Variants in ADAMTS19 observed in about 807,000 individuals in gnomAD.
ADAMTS19 encodes ADAM metallopeptidase with thrombospondin type 1 motif 19.
ADAMTS19 carries 93 observed loss-of-function variants against 153.3 expected under a neutral mutation model. The ratio of observed to expected loss-of-function variants is 0.61; its 90% CI spans 0.51 to 0.72. The LOEUF is 0.72. ADAMTS19 is among the 30% of genes least tolerant of loss of function. The probability of loss-of-function intolerance (pLI) is 0.00; values close to 1 mark genes in which losing one functional copy is unlikely to be tolerated. For synonymous variants in ADAMTS19, 600 were observed against 556.6 expected (o/e 1.08, Z -1.10); for missense variants, 1,482 against 1,552.1 (o/e 0.95, Z 0.76).
chr5:129,461,561 T>G lies in ADAMTS19; in HGVS notation c.551T>G (p.Leu184Arg). 1 of 1,551,606 alleles carries G rather than the reference T, an allele frequency of 6.4e-7. No homozygotes were observed. Residue 184 changes from leucine to arginine, a missense_variant, in exon 2 of 23, where the codon CTG (leucine) becomes CGG (arginine). Physicochemically the swap from Leu to Arg is moderately radical, Grantham distance 102. This residue lies in a region of ADAMTS19 where 866 missense variants were observed against 827.7 expected (regional missense o/e 1.05). Transcript: ENST00000274487. The surrounding 1 kb of genome is among the most constrained non-coding windows in gnomAD (Gnocchi z 4.6). ...RIPAFSRDLY[L>R]LLRRDGRFLA... ...CCGGCCTTCTCTCGGGACCTGTACC[T>G]GCTGCTCCGGAGAGACGGCCGCTTC...
chr5:129,506,906 T>TA (rs1581018423), intron 2 of ADAMTS19, among the ~76,000 whole-genome samples: 2 of 151,828 alleles, frequency 1.3e-5, no homozygotes, highest in South Asian at 2.1e-4. Context: ...TATATATATA[T>TA]TTTTTAAAAA....
At chr5:129,684,085 G>C in intron 17 of ADAMTS19, 35 bp from the exon 18 acceptor site, 5 of 1,584,656 alleles carry the variant, frequency 3.2e-6, no homozygotes, top group Non-Finnish European at 4.3e-6. Flanking sequence ...GCTCTAGTTT[G>C]ACCCATCTGC....
intron 17 of ADAMTS19, among the ~76,000 whole-genome samples, chr5:129,682,659 C>A (rs1754875922): frequency 6.6e-6 from 1 of 152,072 alleles, no homozygotes; most frequent in Non-Finnish European, 1.5e-5. Flanking sequence ...TTTAAACTGT[C>A]TGTCTTTAAA....
At chr5:129,731,876 C>A (rs1425893972) in intron 21 of ADAMTS19, among the ~76,000 whole-genome samples, 2 of 151,572 alleles carry the variant, frequency 1.3e-5, no homozygotes, top group Admixed American at 6.6e-5. Context: ...ATTAATAAAC[C>A]CTTTAAGCAA....
chr5:129,460,942 C>G (rs1580968959), intron 1 of ADAMTS19, among the ~76,000 whole-genome samples, 160 bp from the exon 2 acceptor site: 1 of 148,900 alleles, frequency 6.7e-6, no homozygotes. Context: ...GTAATCTGAT[C>G]GCAAGGCTTC....
chr5:129,560,360 T>G (rs1753459139), intron 7 of ADAMTS19, among the ~76,000 whole-genome samples: 1 of 152,002 alleles, frequency 6.6e-6, no homozygotes, highest in Non-Finnish European at 1.5e-5. Flanking sequence ...TGTGGGAGGG[T>G]GGGGAAAGAT....
intron 7 of ADAMTS19, among the ~76,000 whole-genome samples, chr5:129,563,002 A>C (rs1753577654): frequency 6.6e-6 from 1 of 152,104 alleles, no homozygotes; most frequent in Non-Finnish European, 1.5e-5. Context: ...CCAGGAAGCA[A>C]CTGCCAAAAA....
intron 8 of ADAMTS19, among the ~76,000 whole-genome samples, chr5:129,614,324 A>C (rs1460597926): frequency 8.5e-5 from 13 of 152,170 alleles, no homozygotes; most frequent in Non-Finnish European, 1.8e-4. Context: ...GCACATCAAA[A>C]AGCTTATCCA....
chr5:129,618,808 TG>T (rs1751646754), intron 8 of ADAMTS19, among the ~76,000 whole-genome samples: 1 of 151,988 alleles, frequency 6.6e-6, no homozygotes. Context: ...TGTACAAAAA[TG>T]GACTTTTCTC....
intron 14 of ADAMTS19, among the ~76,000 whole-genome samples, chr5:129,657,802 T>A (rs1753609877): frequency 6.6e-6 from 1 of 152,170 alleles, no homozygotes; most frequent in African/African-American, 2.4e-5. Flanking sequence ...AGCACTTACT[T>A]TACAATCACT....
chr5:129,700,777 A>G (rs900300956), intron 19 of ADAMTS19, among the ~76,000 whole-genome samples: 2 of 151,160 alleles, frequency 1.3e-5, no homozygotes, highest in Non-Finnish European at 2.9e-5. Context: ...GCAGTTTATA[A>G]TATGACATGG....
At chr5:129,551,725 C>A in intron 6 of ADAMTS19, 139 bp from the exon 7 acceptor site, 2 of 554,200 alleles carry the variant, frequency 3.6e-6, no homozygotes, top group Non-Finnish European at 3.2e-6. Context: ...AAAAATTAAT[C>A]TTATTCACAG....
intron 2 of ADAMTS19, among the ~76,000 whole-genome samples, chr5:129,503,990 C>A (rs1302274829): frequency 6.6e-6 from 1 of 152,146 alleles, no homozygotes; most frequent in East Asian, 1.9e-4. Context: ...CTCGCTAATT[C>A]TCGGATGTAC....
chr5:129,702,971 T>TATATATATATATATATATATATAC (rs1389589629), intron 20 of ADAMTS19, among the ~76,000 whole-genome samples: 36 of 129,748 alleles, frequency 2.8e-4, no homozygotes, highest in East Asian at 4.4e-4. Flanking sequence ...TATATATATA[T>TATATATATATATATATATATATAC]ACAAATACAT....
chr5:129,560,020 C>T (rs1328600219), intron 7 of ADAMTS19, among the ~76,000 whole-genome samples: 2 of 152,172 alleles, frequency 1.3e-5, no homozygotes, highest in Admixed American at 1.3e-4. Flanking sequence ...ACTGGGGACA[C>T]ACACTTAAGT....
At chr5:129,631,402 ATG>A (rs1752284588) in intron 10 of ADAMTS19, among the ~76,000 whole-genome samples, 1 of 151,906 alleles carries the variant, frequency 6.6e-6, no homozygotes, top group South Asian at 2.1e-4. Context: ...GTCTTTTATT[ATG>A]TGTATGGATG....
At chr5:129,625,118 C>G (rs1009376559) in intron 10 of ADAMTS19, among the ~76,000 whole-genome samples, 5 of 151,832 alleles carry the variant, frequency 3.3e-5, no homozygotes, top group Admixed American at 2.6e-4. Flanking sequence ...ATAGTTTGCT[C>G]AGAATGATGG....
At chr5:129,477,811 A>G (rs969289774) in intron 2 of ADAMTS19, among the ~76,000 whole-genome samples, 2 of 152,178 alleles carry the variant, frequency 1.3e-5, no homozygotes, top group African/African-American at 4.8e-5. Context: ...ATAGGATTGT[A>G]AGAAAATACA....
chr5:129,587,437 G>A (rs1452243472), intron 7 of ADAMTS19, among the ~76,000 whole-genome samples: 6 of 151,710 alleles, frequency 4.0e-5, no homozygotes, highest in Admixed American at 3.9e-4. Context: ...ACGCAAGCCT[G>A]GTATTTTTTG....
Sources: gnomAD v4.1 joint callset for allele counts (sites outside exome capture counted in the v4.1 genomes callset) on GRCh38, gnomAD v4.1.1 for gene constraint, gnomAD v4.1.1 regional missense constraint, Gnocchi (gnomAD v3.1) non-coding constraint, MANE v1.5 for transcripts, NCBI Gene and HGNC (gene_info 2026-07-23, HGNC 2026-07-21) for gene names.